Variants in PTPRT observed in about 807,000 individuals in gnomAD.
PTPRT encodes the protein receptor-type tyrosine-protein phosphatase T.
A neutral mutation model predicts 176.8 loss-of-function variants in PTPRT; 56 were observed. The observed-to-expected ratio is 0.32, with a 90% CI of 0.26 to 0.40. The LOEUF (loss-of-function observed/expected upper bound fraction) is 0.40. Ranked by LOEUF, PTPRT falls within the 10% of genes least tolerant of loss-of-function variation. PTPRT has a pLI of 1.00. For synonymous variants in PTPRT, 783 were observed against 739.0 expected (o/e 1.06, Z -0.96); for missense variants, 1,540 against 1,908.2 (o/e 0.81, Z 3.60).
chr20:42,925,756 A>C (rs1034719355), intron 1 of PTPRT, among the ~76,000 whole-genome samples: 7 of 152,156 alleles, frequency 4.6e-5, no homozygotes, highest in Admixed American at 3.3e-4. Context: ...CATGTCTAGC[A>C]AGTTTCCAGG....
Position 43,134,244 on chromosome 20 carries a change from T to G in PTPRT, c.88+55402A>C, listed in dbSNP as rs180920017. Among the ~76,000 whole-genome samples, 49 of 152,334 alleles carry G rather than the reference T, an allele frequency of 3.2e-4. No homozygotes were observed. The East Asian group carries it at 7.7e-3, about 24-fold the overall frequency. Reference sequence around the variant, plus strand: ...TTAGAAGTGAAAAGACAAATTTAGATACTGACAAAGATTCTTTGCTTGGCC... The same window carrying G: ...TTAGAAGTGAAAAGACAAATTTAGAGACTGACAAAGATTCTTTGCTTGGCC... On this transcript the variant is annotated intron_variant, in intron 1 of 30. Transcript: ENST00000373187.
chr20:42,975,385 C>T (rs957367688), intron 1 of PTPRT, among the ~76,000 whole-genome samples: 6 of 152,046 alleles, frequency 3.9e-5, no homozygotes, highest in African/African-American at 1.5e-4. Context: ...CAAAAAAATA[C>T]CACCGATGAT....
intron 16 of PTPRT, among the ~76,000 whole-genome samples, chr20:42,177,047 A>C (rs2146568946): frequency 6.6e-6 from 1 of 152,368 alleles, no homozygotes; most frequent in South Asian, 2.1e-4. Flanking sequence ...TTACCACTAA[A>C]TTATCTTGCA....
chr20:42,843,657 C>T (rs1431731956), intron 2 of PTPRT, among the ~76,000 whole-genome samples: 1 of 152,176 alleles, frequency 6.6e-6, no homozygotes, highest in Admixed American at 6.5e-5. Flanking sequence ...CAGAGCACTC[C>T]CTCAGGTATA....
At chr20:42,824,428 G>A (rs768068835) in intron 2 of PTPRT, among the ~76,000 whole-genome samples, 5 of 151,892 alleles carry the variant, frequency 3.3e-5, no homozygotes, top group Non-Finnish European at 7.4e-5. Flanking sequence ...AAACAGACAG[G>A]CTAATGACAA....
In PTPRT at chr20:42,385,747, A is replaced by AG. The variant is rs533971654; in HGVS notation, c.1561-33463dup. Among the ~76,000 whole-genome samples, 75 of 152,294 alleles carry AG rather than the reference A, an allele frequency of 4.9e-4. No individual in the cohort carries two copies. In the East Asian group the frequency reaches 9.1e-3, roughly 18 times the overall value. The stretch of plus-strand genomic sequence containing the variant: ...TGGCAGCAGGCAAGAGAGCTTGTGC[A>AG]GGGGGAACTCCCATTTATAAAACCA... On this transcript the variant is annotated intron_variant, in intron 9 of 30. Transcript: ENST00000373187.
At chr20:42,450,600 C>A (rs1023496080) in intron 8 of PTPRT, among the ~76,000 whole-genome samples, 2 of 151,934 alleles carry the variant, frequency 1.3e-5, no homozygotes, top group African/African-American at 4.8e-5. Context: ...CGTAAGCTTT[C>A]TTGCATAGGT....
At chr20:42,846,819 G>A (rs2078381070) in intron 2 of PTPRT, among the ~76,000 whole-genome samples, 1 of 152,138 alleles carries the variant, frequency 6.6e-6, no homozygotes, top group Non-Finnish European at 1.5e-5. Flanking sequence ...TACAGAGCCT[G>A]ATTTTTTCCT....
intron 9 of PTPRT, among the ~76,000 whole-genome samples, chr20:42,353,874 T>C (rs531043447): frequency 6.6e-6 from 1 of 152,228 alleles, no homozygotes; most frequent in South Asian, 2.1e-4. Context: ...ACAGTAGGAC[T>C]CTGTATCTAT....
chr20:42,818,263 C>G (rs2077825805), intron 2 of PTPRT, among the ~76,000 whole-genome samples: 1 of 151,952 alleles, frequency 6.6e-6, no homozygotes, highest in Non-Finnish European at 1.5e-5. Flanking sequence ...CCCCAGCAAA[C>G]TGCAGAAGCC....
At chr20:42,251,128 C>G (rs1409870405) in intron 13 of PTPRT, among the ~76,000 whole-genome samples, 1 of 152,184 alleles carries the variant, frequency 6.6e-6, no homozygotes, top group Non-Finnish European at 1.5e-5. Context: ...TCCAAATTTC[C>G]TCAATATTGA....
At chr20:42,269,710 T>C (rs1278705137) in intron 13 of PTPRT, among the ~76,000 whole-genome samples, 1 of 152,196 alleles carries the variant, frequency 6.6e-6, no homozygotes, top group Non-Finnish European at 1.5e-5. Context: ...ATGTCTATTA[T>C]CTTGTTTAGT....
At chr20:42,344,208 G>A (rs1226941543) in intron 11 of PTPRT, among the ~76,000 whole-genome samples, 1 of 152,144 alleles carries the variant, frequency 6.6e-6, no homozygotes, top group Admixed American at 6.6e-5. Context: ...CCCCCAAAGA[G>A]CATGTTGAAC....
At position 42,166,775 on chromosome 20, in the gene PTPRT, G is replaced by T. The variant is rs1236682940; in HGVS notation, c.2492-5233C>A. Among the ~76,000 whole-genome samples the T allele has an allele frequency of 2.6e-5, 4 of 152,144 alleles. No individual in the cohort carries two copies. In the East Asian group the frequency reaches 5.8e-4, roughly 22 times the overall value. On this transcript the variant is annotated intron_variant, in intron 16 of 30. Transcript: ENST00000373187. ...CTCTACTAAAAGTACAAAAAAATTA[G>T]CCAGGTGTGGTGCTGTGCACCTGTA...
At chr20:42,992,337 A>G (rs921804740) in intron 1 of PTPRT, among the ~76,000 whole-genome samples, 2 of 152,212 alleles carry the variant, frequency 1.3e-5, no homozygotes, top group African/African-American at 4.8e-5. Flanking sequence ...TATAGTGTCA[A>G]TGCACATCCA....
chr20:42,288,542 A>T lies in PTPRT; in HGVS notation c.2140-6017T>A, dbSNP rs575846798. On this transcript the variant is annotated intron_variant, in intron 12 of 30. Coordinates refer to ENST00000373187, the MANE Select transcript of PTPRT (RefSeq NM_007050.6). ...TCTTTCCCCACTTGTGGAGTCCCCA[A>T]TGTCTATTGTTTCCATCTTTATGTC... 1.2e-4 allele frequency among the ~76,000 whole-genome samples: 18 copies of T among 151,730 alleles called. 1 individual carries two copies. The highest frequency in any genetic ancestry group is 3.9e-4 in the African/African-American group (16 of 41,332).
At chr20:42,905,425 C>T (rs1402037617) in intron 1 of PTPRT, among the ~76,000 whole-genome samples, 3 of 152,088 alleles carry the variant, frequency 2.0e-5, no homozygotes, top group South Asian at 2.1e-4. Flanking sequence ...CAACAGATGC[C>T]GGAGAGGATG....
At chr20:43,164,542 C>T (rs2014801292) in intron 1 of PTPRT, among the ~76,000 whole-genome samples, 1 of 152,108 alleles carries the variant, frequency 6.6e-6, no homozygotes, top group Admixed American at 6.6e-5. Flanking sequence ...ACAACTAGAG[C>T]CAAGGTCTTG....
intron 6 of PTPRT, among the ~76,000 whole-genome samples, chr20:42,704,403 T>A (rs185234148): frequency 9.6e-4 from 145 of 150,758 alleles, no homozygotes; most frequent in Non-Finnish European, 1.6e-3. Context: ...GTGTTCCTAA[T>A]GGTCTTTAGC....
Sources: allele counts gnomAD v4.1 joint callset (sites outside exome capture counted in the v4.1 genomes callset), GRCh38; gene constraint gnomAD v4.1.1; transcripts MANE v1.5; gene names NCBI Gene and HGNC (gene_info 2026-07-23, HGNC 2026-07-21).